The following NRG3 variants were observed in gnomAD, a reference collection of about 807,000 sequenced individuals.
NRG3 encodes the protein neuregulin 3, also known as pro-neuregulin-3, membrane-bound isoform.
NRG3 carries 31 observed loss-of-function variants against 66.9 expected under a neutral mutation model. That is an observed-to-expected ratio of 0.46 (90% CI 0.35 to 0.63). The LOEUF (loss-of-function observed/expected upper bound fraction) is 0.63, where lower values mean the gene tolerates loss of function less well. NRG3 is among the 20% of genes least tolerant of loss of function. The pLI is 0.00. For synonymous variants in NRG3, 393 were observed against 359.4 expected, an observed-to-expected ratio of 1.09 and a Z score of -1.06; for missense variants, 910 against 878.9, an observed-to-expected ratio of 1.04 and a Z score of -0.45.
At chr10:82,612,389 G>A (rs2048368104) in intron 2 of NRG3, among the ~76,000 whole-genome samples, 2 of 151,760 alleles carry the variant, frequency 1.3e-5, no homozygotes, top group Non-Finnish European at 2.9e-5. Flanking sequence ...TGGTTACAAA[G>A]TAGATAGCAA....
intron 6 of NRG3, among the ~76,000 whole-genome samples, chr10:82,971,711 A>T (rs1254458629): frequency 6.6e-6 from 1 of 152,152 alleles, no homozygotes; most frequent in East Asian, 1.9e-4. Context: ...TTCTGGGATT[A>T]CAGTCGTGAG....
At chr10:82,047,029 T>A (rs938348933) in intron 1 of NRG3, among the ~76,000 whole-genome samples, 3 of 123,858 alleles carry the variant, frequency 2.4e-5, no homozygotes, top group African/African-American at 5.1e-5. Flanking sequence ...TCTAAAATTC[T>A]CTTTCTTGGT....
intron 2 of NRG3, among the ~76,000 whole-genome samples, chr10:82,485,083 A>G (rs570745377): frequency 2.6e-5 from 4 of 152,290 alleles, no homozygotes; most frequent in South Asian, 2.1e-4. Flanking sequence ...CCTTCACAAT[A>G]CACCTTGCTC....
At chr10:82,913,865 A>G (rs896031305) in intron 4 of NRG3, among the ~76,000 whole-genome samples, 2 of 152,110 alleles carry the variant, frequency 1.3e-5, no homozygotes, top group Non-Finnish European at 2.9e-5. Flanking sequence ...GTTGTCAGCT[A>G]TTATTACTTC....
At position 81,911,455 on chromosome 10, in the gene NRG3, AT is replaced by A. The variant is rs34699634; in HGVS notation, c.823+35297del. Reference sequence around the variant, plus strand: ...TTTCATTAGCTATTGACTGAGAGAGATTTTTGCAGCTGCAATGGAAATGCCC... The same window carrying A: ...TTTCATTAGCTATTGACTGAGAGAGATTTTGCAGCTGCAATGGAAATGCCC... On this transcript the variant is annotated intron_variant, in intron 1 of 8. Transcript: ENST00000372141. Among the ~76,000 whole-genome samples the A allele has an allele frequency of 4.6e-5, 7 of 151,596 alleles. No homozygotes were observed. The South Asian group carries it at 6.2e-4, about 14-fold the overall frequency.
intron 1 of NRG3, among the ~76,000 whole-genome samples, chr10:81,962,953 C>G (rs565050837): frequency 1.3e-5 from 2 of 152,022 alleles, no homozygotes; most frequent in South Asian, 2.1e-4. Flanking sequence ...TGCTTATAAC[C>G]GACACAACTC....
At chr10:82,663,065 C>T (rs568341000) in intron 2 of NRG3, among the ~76,000 whole-genome samples, 1 of 152,162 alleles carries the variant, frequency 6.6e-6, no homozygotes, top group Non-Finnish European at 1.5e-5. Context: ...AATAAAAAAC[C>T]ATGTTCTCTT....
intron 1 of NRG3, among the ~76,000 whole-genome samples, chr10:82,074,425 T>C (rs2064979332): frequency 6.6e-6 from 1 of 152,232 alleles, no homozygotes; most frequent in East Asian, 1.9e-4. Context: ...TGAGCCGAAA[T>C]GTGACATGAT....
At chr10:82,294,171 C>A (rs2079910958) in intron 1 of NRG3, among the ~76,000 whole-genome samples, 2 of 152,286 alleles carry the variant, frequency 1.3e-5, no homozygotes, top group South Asian at 2.1e-4. Context: ...TAGCCTCAGT[C>A]TTCTCTGATG....
At chr10:82,768,935 A>G (rs1270718744) in intron 3 of NRG3, among the ~76,000 whole-genome samples, 2 of 152,138 alleles carry the variant, frequency 1.3e-5, no homozygotes, top group African/African-American at 2.4e-5. Context: ...AAGAAATGTT[A>G]TATGTGTTCT....
At chr10:81,886,435 A>T (rs1367821006) in intron 1 of NRG3, among the ~76,000 whole-genome samples, 1 of 152,146 alleles carries the variant, frequency 6.6e-6, no homozygotes, top group Admixed American at 6.6e-5. Flanking sequence ...AAGTCACTTT[A>T]AAAAAAGTGC....
At chr10:81,973,091 G>T (rs1394313903) in intron 1 of NRG3, among the ~76,000 whole-genome samples, 1 of 151,880 alleles carries the variant, frequency 6.6e-6, no homozygotes, top group African/African-American at 2.4e-5. Flanking sequence ...CCCCTGAAAG[G>T]CCCCAGTGTG....
chr10:82,085,090 C>G (rs767712677), intron 1 of NRG3, among the ~76,000 whole-genome samples: 1 of 152,130 alleles, frequency 6.6e-6, no homozygotes, highest in South Asian at 2.1e-4. Context: ...CTCGCTATTA[C>G]AAAGGGGCCT....
intron 1 of NRG3, among the ~76,000 whole-genome samples, chr10:82,005,851 C>T (rs1260361756): frequency 2.7e-5 from 4 of 150,746 alleles, no homozygotes; most frequent in African/African-American, 7.3e-5. Flanking sequence ...GTGAATAAGA[C>T]AATATTTCAA....
At chr10:81,942,968 A>G (rs1372595972) in intron 1 of NRG3, among the ~76,000 whole-genome samples, 1 of 152,174 alleles carries the variant, frequency 6.6e-6, no homozygotes, top group Admixed American at 6.6e-5. Flanking sequence ...CTAAATAAGA[A>G]CATTTTCTAC....
rs368436716 is a variant in NRG3 at position 82,728,942 on chromosome 10, A to T, written c.954-9635A>T. On this transcript the variant is annotated intron_variant, in intron 2 of 8. Transcript: ENST00000372141. The stretch of plus-strand genomic sequence containing the variant: ...GTTAGCATCTAAATCTACCTAAATT[A>T]TTGGATGTATTTACAAGGAATAAGG... Among the ~76,000 whole-genome samples the T allele has an allele frequency of 3.0e-4, 46 of 152,154 alleles. No homozygotes were observed. In the South Asian group the frequency reaches 7.1e-3, roughly 23 times the overall value.
intron 2 of NRG3, among the ~76,000 whole-genome samples, chr10:82,362,911 A>G (rs2084280934): frequency 6.6e-6 from 1 of 152,208 alleles, no homozygotes; most frequent in South Asian, 2.1e-4. Flanking sequence ...AGTTAATGTA[A>G]TAAACAAATA....
chr10:82,751,774 A>G (rs1349755471), intron 3 of NRG3, among the ~76,000 whole-genome samples: 5 of 152,190 alleles, frequency 3.3e-5, no homozygotes, highest in Non-Finnish European at 5.9e-5. Flanking sequence ...ATTGAGAGAT[A>G]ATAGCATGAC....
chr10:82,223,963 GT>G (rs1376578193), intron 1 of NRG3, among the ~76,000 whole-genome samples: 1 of 152,084 alleles, frequency 6.6e-6, no homozygotes, highest in Non-Finnish European at 1.5e-5. Flanking sequence ...CATAACCTCT[GT>G]CTTATCATGA....
Sources: allele counts gnomAD v4.1 joint callset (sites outside exome capture counted in the v4.1 genomes callset), GRCh38; gene constraint gnomAD v4.1.1; transcripts MANE v1.5; gene names NCBI Gene and HGNC (gene_info 2026-07-23, HGNC 2026-07-21).